Variants in HMCN2 observed in about 807,000 individuals in gnomAD.
HMCN2 encodes hemicentin 2, also known as hemicentin-2.
A neutral mutation model predicts 377.5 loss-of-function variants in HMCN2; 325 were observed. The ratio of observed to expected loss-of-function variants is 0.86; its 90% CI spans 0.79 to 0.94. HMCN2 has a LOEUF of 0.94. Ranked by LOEUF, HMCN2 falls within the 40% of genes least tolerant of loss-of-function variation. HMCN2 has a pLI of 0.00. For synonymous variants in HMCN2, 2,007 were observed against 2,046.8 expected (o/e 0.98, Z 0.53); for missense variants, 4,543 against 4,725.3 (o/e 0.96, Z 1.13).
At chr9:130,368,792 C>T (rs1449804227) in intron 44 of HMCN2, among the ~76,000 whole-genome samples, 2 of 152,102 alleles carry the variant, frequency 1.3e-5, no homozygotes, top group African/African-American at 4.8e-5. Flanking sequence ...AACCAGATCT[C>T]CTGAGAACTG....
chr9:130,346,603 A>G (rs1765244097), intron 25 of HMCN2, among the ~76,000 whole-genome samples: 1 of 152,092 alleles, frequency 6.6e-6, no homozygotes, highest in Non-Finnish European at 1.5e-5. Context: ...CCCTAACCCC[A>G]GGGCACAACG....
intron 82 of HMCN2, chr9:130,407,290 C>G (rs557342108): frequency 1.4e-4 from 26 of 182,236 alleles, no homozygotes; most frequent in East Asian, 1.1e-3. Flanking sequence ...GAAATCATGG[C>G]AGTGTTTCAG....
rs1259901677 is a variant in HMCN2 at position 130,433,516 on chromosome 9, G to A, written c.15063G>A (p.Leu5021=). The change falls in exon 98 of 98, where the codon CTG becomes CTA. Residue 5021 remains leucine, a synonymous_variant. Transcript: ENST00000683500. ...VPANRTELSM[L]EPDPRSPFAL... ...CCAACCGCACCGAGCTCAGCATGCTGGAGCCCGACCCCCGCAGCCCCTTCG... is the reference window on the plus strand; with the variant it reads ...CCAACCGCACCGAGCTCAGCATGCTAGAGCCCGACCCCCGCAGCCCCTTCG... 2 of 1,488,956 alleles carry A rather than the reference G, an allele frequency of 1.3e-6. No individual in the cohort carries two copies. The highest frequency in any genetic ancestry group is 1.8e-6 in the Non-Finnish European group (2 of 1,126,384). 92.2% of individuals were successfully genotyped at this position (1,488,956 alleles called of 1,614,324 possible).
intron 80 of HMCN2, among the ~76,000 whole-genome samples, chr9:130,404,539 G>C (rs1001730380): frequency 1.3e-5 from 2 of 152,240 alleles, no homozygotes; most frequent in African/African-American, 2.4e-5. Context: ...TGTTCCTGGA[G>C]GTGGCCTAGT....
chr9:130,290,824 G>A (rs959972312), intron 4 of HMCN2, among the ~76,000 whole-genome samples: 2 of 142,786 alleles, frequency 1.4e-5, no homozygotes, highest in Non-Finnish European at 3.0e-5. Context: ...TTGAAATCTA[G>A]CCATAAACTT....
At chr9:130,271,172 G>A (rs2131215654) in intron 1 of HMCN2, among the ~76,000 whole-genome samples, 1 of 149,044 alleles carries the variant, frequency 6.7e-6, no homozygotes, top group Non-Finnish European at 1.5e-5. Context: ...CGCTGTTGAT[G>A]TTAAGCTTGA....
At chr9:130,417,847 C>T (rs1389965932) in intron 85 of HMCN2, among the ~76,000 whole-genome samples, 1 of 152,240 alleles carries the variant, frequency 6.6e-6, no homozygotes, top group Non-Finnish European at 1.5e-5. Context: ...AGCGCCCCAC[C>T]TTGGCTGAAG....
chr9:130,324,016 A>G (rs893191463), intron 19 of HMCN2, among the ~76,000 whole-genome samples: 8 of 152,216 alleles, frequency 5.3e-5, no homozygotes, highest in African/African-American at 1.9e-4. Flanking sequence ...AGCTTTTAAA[A>G]TTGTCAAATA....
chr9:130,433,763 C>T lies in HMCN2; in HGVS notation c.*70C>T. Reference sequence around the variant, plus strand: ...AGGGGTCGAGGAGAAGCTTGGTCCACGCCACCTGCTGTGGCAAGCGGAGCG... The same window carrying T: ...AGGGGTCGAGGAGAAGCTTGGTCCATGCCACCTGCTGTGGCAAGCGGAGCG... On this transcript the variant is annotated 3_prime_UTR_variant, in exon 98 of 98. Coordinates refer to ENST00000683500, the MANE Select transcript of HMCN2 (RefSeq NM_001291815.2). 1.5e-5 allele frequency: 18 copies of T among 1,234,524 alleles called. No individual in the cohort carries two copies. The highest frequency in any genetic ancestry group is 1.8e-5 in the Non-Finnish European group (17 of 930,660). The allele number at this position is 1,234,524 out of a possible 1,614,324, so 76.5% of individuals were successfully genotyped here.
Position 130,432,290 on chromosome 9 carries a change from T to C in HMCN2, c.14768-139T>C, listed in dbSNP as rs530429263. 2,092 of 765,364 alleles carry C rather than the reference T, an allele frequency of 2.7e-3. 6 individuals are homozygous for C. Among genetic ancestry groups the C allele is most frequent in the Non-Finnish European group, 3.8e-3 (1,746 of 457,614 alleles). 47.4% of individuals were successfully genotyped at this position (765,364 alleles called of 1,614,324 possible). ...GGGCCTCCAGCTGGGTGGTCATGGGTCAGACTGGCTGGGGACAAAGGGAGA... is the reference window on the plus strand; with the variant it reads ...GGGCCTCCAGCTGGGTGGTCATGGGCCAGACTGGCTGGGGACAAAGGGAGA... On this transcript the variant is annotated intron_variant, in intron 96 of 97. Transcript: ENST00000683500.
intron 85 of HMCN2, among the ~76,000 whole-genome samples, chr9:130,417,199 CA>C (rs1203700590): frequency 1.3e-5 from 2 of 151,942 alleles, no homozygotes; most frequent in African/African-American, 4.8e-5. Context: ...AGGCATGAAC[CA>C]CCATACCCAG....
chr9:130,272,837 C>T (rs1834473745), intron 1 of HMCN2, among the ~76,000 whole-genome samples: 1 of 152,208 alleles, frequency 6.6e-6, no homozygotes, highest in Non-Finnish European at 1.5e-5. Flanking sequence ...GGATTACAGG[C>T]CTGAACCACT....
Position 130,303,500 on chromosome 9 carries a change from A to G in HMCN2, c.1435A>G (p.Ser479Gly). 1 of 451,884 alleles carries G rather than the reference A, an allele frequency of 2.2e-6. No individual in the cohort carries two copies. Among genetic ancestry groups the G allele is most frequent in the Non-Finnish European group, 4.6e-6 (1 of 215,964 alleles). 28.0% of individuals were successfully genotyped at this position (451,884 alleles called of 1,614,324 possible). A position where few individuals can be genotyped will look rare whatever the true frequency, so the allele number is the denominator to read the frequency against. ...EERHFQESGN[S>G]SWEILRASKA... The stretch of plus-strand genomic sequence containing the variant: ...CCCTGTTTGCAGGGAGTCGGGAAAC[A>G]GCAGCTGGGAGATCCTGCGGGCCTC... The change falls in exon 10 of 98, where the codon AGC (serine) becomes GGC (glycine). Residue 479 changes from serine (S) to glycine (G), a missense_variant. Ser to Gly is a moderately conservative substitution (Grantham distance 56). Around this residue, in one of 5 missense-constraint regions of HMCN2, gnomAD observed 547 missense variants for 189.9 expected, o/e 2.88. Transcript: ENST00000683500. The surrounding 1 kb of genome is among the most constrained non-coding windows in gnomAD (Gnocchi z 5.2).
rs1203098415 is a variant in HMCN2 at position 130,408,700 on chromosome 9, G to C, written c.12689-43G>C. The C allele has an allele frequency of 4.0e-6, 5 of 1,260,382 alleles. No individual in the cohort carries two copies. In the Admixed American group the frequency reaches 1.2e-4, roughly 30 times the overall value. The allele number at this position is 1,260,382 out of a possible 1,614,324, so 78.1% of individuals were successfully genotyped here. A position where few individuals can be genotyped will look rare whatever the true frequency, so the allele number is the denominator to read the frequency against. On this transcript the variant is annotated intron_variant, in intron 83 of 97. Coordinates refer to ENST00000683500, the MANE Select transcript of HMCN2 (RefSeq NM_001291815.2). The stretch of plus-strand genomic sequence containing the variant: ...GGTTTATGGGAGGCTGAGCCAGCAG[G>C]CAACCTCTTTTCTGACAACTTGCTC...
chr9:130,392,649 G>GC (rs1842376699), intron 66 of HMCN2, among the ~76,000 whole-genome samples: 1 of 152,180 alleles, frequency 6.6e-6, no homozygotes, highest in Non-Finnish European at 1.5e-5. Context: ...GGAGCAGGCA[G>GC]CAGGGGTGGA....
intron 12 of HMCN2, 116 bp from the exon 13 acceptor site, chr9:130,306,695 C>A (rs1836878104): frequency 2.6e-6 from 1 of 387,056 alleles, no homozygotes; most frequent in Non-Finnish European, 5.5e-6. Context: ...AGGCCTAGAG[C>A]AAGCCATCAG....
intron 22 of HMCN2, among the ~76,000 whole-genome samples, chr9:130,336,948 G>A (rs1049730417): frequency 3.4e-4 from 52 of 152,266 alleles, no homozygotes; most frequent in African/African-American, 1.1e-3. Context: ...AGAAAGCAAG[G>A]TGGGGGCCAG....
At chr9:130,382,634 CAGGGA>C in intron 55 of HMCN2, 40 bp from the exon 56 acceptor site, 6 of 747,470 alleles carry the variant, frequency 8.0e-6, no homozygotes, top group Non-Finnish European at 9.8e-6. Context: ...CCCCCGCCCC[CAGGGA>C]CCTGTGCCAG....
intron 4 of HMCN2, among the ~76,000 whole-genome samples, chr9:130,293,077 A>G (rs1835892000): frequency 6.6e-6 from 1 of 152,048 alleles, no homozygotes; most frequent in Admixed American, 6.6e-5. Flanking sequence ...GATATTTCCA[A>G]TTCAAATTTC....
Sources: gnomAD v4.1 joint callset for allele counts (sites outside exome capture counted in the v4.1 genomes callset) on GRCh38, gnomAD v4.1.1 for gene constraint, gnomAD v4.1.1 regional missense constraint, Gnocchi (gnomAD v3.1) non-coding constraint, MANE v1.5 for transcripts, NCBI Gene and HGNC (gene_info 2026-07-23, HGNC 2026-07-21) for gene names.